PLEK: variants seen among roughly 807,000 people sequenced by gnomAD.
PLEK encodes pleckstrin, also known as platelet 47 kDa protein.
A neutral mutation model predicts 43.9 loss-of-function variants in PLEK; 25 were observed. That is an observed-to-expected ratio of 0.57 (90% CI 0.41 to 0.79). The LOEUF is 0.79. PLEK is among the 30% of genes least tolerant of loss of function. PLEK has a pLI of 0.00. For synonymous variants in PLEK, 152 were observed against 144.4 expected (o/e 1.05, Z -0.38); for missense variants, 396 against 413.3 (o/e 0.96, Z 0.36).
intron 1 of PLEK, among the ~76,000 whole-genome samples, chr2:68,380,012 G>A (rs1032656036): frequency 3.3e-5 from 5 of 152,138 alleles, no homozygotes; most frequent in Non-Finnish European, 5.9e-5. Context: ...AGTTCGGGAA[G>A]CCTCATCAAT....
chr2:68,380,378 T>C lies in PLEK; in HGVS notation c.93T>C (p.Asp31=), dbSNP rs773369643. The change falls in exon 2 of 9, where the codon GAT becomes GAC. Residue 31 remains aspartate (D), a synonymous_variant. Transcript: ENST00000234313. ...CCATGTGGGTTGTATTGTTAGAAGATGGAATTGAATTCTATAAGAAGAAAA... is the reference window on the plus strand; with the variant it reads ...CCATGTGGGTTGTATTGTTAGAAGACGGAATTGAATTCTATAAGAAGAAAA... ...WKPMWVVLLE[D]GIEFYKKKSD... is the part of the protein sequence containing the mutation. The C allele has an allele frequency of 5.0e-6, 8 of 1,613,542 alleles. No individual in the cohort carries two copies. The highest frequency in any genetic ancestry group is 1.7e-5 in the Admixed American group (1 of 59,998).
chr2:68,385,297 G>C (rs369532694), intron 4 of PLEK, among the ~76,000 whole-genome samples: 6 of 152,140 alleles, frequency 3.9e-5, no homozygotes, highest in Middle Eastern at 6.8e-3. Context: ...AAGCTTCATT[G>C]TAACCTGCTA....
chr2:68,382,729 G>A lies in PLEK; in HGVS notation c.472+96G>A, dbSNP rs143140800. 8.4e-4 allele frequency: 565 copies of A among 674,834 alleles called. 1 individual carries two copies. The highest frequency in any genetic ancestry group is 1.2e-3 in the Non-Finnish European group (457 of 371,532). 41.8% of individuals were successfully genotyped at this position (674,834 alleles called of 1,614,324 possible). On this transcript the variant is annotated intron_variant, in intron 4 of 8. Coordinates refer to ENST00000234313, the MANE Select transcript of PLEK (RefSeq NM_002664.3). The stretch of plus-strand genomic sequence containing the variant: ...GTGAGGTGGGGGTATGAAGTATGGG[G>A]GTTGGAAGGGGTCCCAGAATGCAGC...
intron 1 of PLEK, among the ~76,000 whole-genome samples, chr2:68,377,248 A>C (rs10206825): frequency 1.3e-5 from 2 of 152,024 alleles, no homozygotes; most frequent in African/African-American, 4.8e-5. Flanking sequence ...CAGATATCTC[A>C]TCCATATACC....
At chr2:68,394,783 C>T (rs1673933000) in intron 8 of PLEK, among the ~76,000 whole-genome samples, 1 of 152,156 alleles carries the variant, frequency 6.6e-6, no homozygotes, top group South Asian at 2.1e-4. Flanking sequence ...CATGGAATAA[C>T]CACGTGGGTG....
chr2:68,386,305 C>A (rs923411590), intron 4 of PLEK, among the ~76,000 whole-genome samples, 197 bp from the exon 5 acceptor site: 1 of 151,958 alleles, frequency 6.6e-6, no homozygotes, highest in African/African-American at 2.4e-5. Context: ...TCTTAAAAAC[C>A]CTTTACATAG....
chr2:68,392,951 C>T (rs536685486), intron 6 of PLEK, among the ~76,000 whole-genome samples: 66 of 152,334 alleles, frequency 4.3e-4, no homozygotes, highest in African/African-American at 1.3e-3. Context: ...ATTTAATCCA[C>T]CTCTTCGATC....
intron 7 of PLEK, among the ~76,000 whole-genome samples, chr2:68,393,511 C>A (rs1389612091): frequency 6.6e-6 from 1 of 152,076 alleles, no homozygotes; most frequent in Non-Finnish European, 1.5e-5. Flanking sequence ...ACATATTTTT[C>A]CCCAATCTGA....
intron 1 of PLEK, among the ~76,000 whole-genome samples, chr2:68,367,921 A>G (rs897485200): frequency 2.0e-5 from 3 of 152,274 alleles, no homozygotes; most frequent in South Asian, 4.1e-4. Context: ...AACAGAGAAC[A>G]TCTTTGTCCT....
At chr2:68,383,300 G>A (rs1673667338) in intron 4 of PLEK, among the ~76,000 whole-genome samples, 1 of 152,154 alleles carries the variant, frequency 6.6e-6, no homozygotes, top group Non-Finnish European at 1.5e-5. Flanking sequence ...AAGCTCAAGT[G>A]GTTATTGTGT....
At chr2:68,370,285 T>C (rs1373448139) in intron 1 of PLEK, among the ~76,000 whole-genome samples, 1 of 151,946 alleles carries the variant, frequency 6.6e-6, no homozygotes, top group Non-Finnish European at 1.5e-5. Flanking sequence ...CTGAGAGGGG[T>C]TCTAAACACA....
At chr2:68,379,199 T>C (rs1182564256) in intron 1 of PLEK, among the ~76,000 whole-genome samples, 1 of 152,102 alleles carries the variant, frequency 6.6e-6, no homozygotes, top group East Asian at 1.9e-4. Flanking sequence ...AGCTAGATCA[T>C]CTAAGATTCA....
chr2:68,378,117 A>T (rs1013274088), intron 1 of PLEK, among the ~76,000 whole-genome samples: 1 of 152,212 alleles, frequency 6.6e-6, no homozygotes, highest in Non-Finnish European at 1.5e-5. Flanking sequence ...AGCATATGGC[A>T]TGCATTATAC....
In PLEK at chr2:68,394,162, A is replaced by G; in HGVS notation, c.902A>G (p.Glu301Gly). 2 of 1,601,952 alleles carry G rather than the reference A, an allele frequency of 1.2e-6. No individual in the cohort carries two copies. Among genetic ancestry groups the G allele is most frequent in the Non-Finnish European group, 1.7e-6 (2 of 1,168,998 alleles). ...AGAGGCTGTGTGGTGACTTCAGTGGAGAGCAACTCAAATGGTAAGATGAAT... is the reference window on the plus strand; with the variant it reads ...AGAGGCTGTGTGGTGACTTCAGTGGGGAGCAACTCAAATGGTAAGATGAAT... ...HLRGCVVTSV[E>G]SNSNGRKSEE... The change falls in exon 8 of 9, where the codon GAG becomes GGG. Residue 301 changes from glutamate to glycine, a missense_variant. Glu to Gly is a moderately conservative substitution (Grantham distance 98). Transcript: ENST00000234313.
At chr2:68,372,474 C>A (rs1214046748) in intron 1 of PLEK, among the ~76,000 whole-genome samples, 2 of 152,064 alleles carry the variant, frequency 1.3e-5, no homozygotes, top group East Asian at 3.9e-4. Context: ...CTGCGCCCAG[C>A]CGAGAAGTTT....
At chr2:68,369,207 G>T (rs1027495684) in intron 1 of PLEK, among the ~76,000 whole-genome samples, 4 of 152,122 alleles carry the variant, frequency 2.6e-5, no homozygotes, top group Non-Finnish European at 4.4e-5. Flanking sequence ...CAACAAAATG[G>T]GGACAATTAT....
At chr2:68,388,195 C>CG (rs764287088) in intron 5 of PLEK, 192 bp from the exon 6 acceptor site, 33 of 523,690 alleles carry the variant, frequency 6.3e-5, no homozygotes, top group Non-Finnish European at 9.0e-5. Context: ...GGAACAGCCC[C>CG]GGAAGCAAGT....
At chr2:68,375,334 T>C (rs540716934) in intron 1 of PLEK, among the ~76,000 whole-genome samples, 29 of 152,356 alleles carry the variant, frequency 1.9e-4, no homozygotes, top group Non-Finnish European at 2.6e-4. Flanking sequence ...TTTTCTTTAC[T>C]AAAGTGCCTG....
intron 8 of PLEK, 133 bp downstream of exon 8, chr2:68,394,309 C>A: frequency 1.5e-6 from 1 of 683,872 alleles, no homozygotes. Context: ...TGGTGGCTCC[C>A]ACCTGTAATC....
Sources: allele counts gnomAD v4.1 joint callset (sites outside exome capture counted in the v4.1 genomes callset), GRCh38; gene constraint gnomAD v4.1.1; transcripts MANE v1.5; gene names NCBI Gene and HGNC (gene_info 2026-07-23, HGNC 2026-07-21).